CNOT3: variants seen among roughly 807,000 people sequenced by gnomAD.
The protein encoded by CNOT3 is CCR4-NOT transcription complex subunit 3.
In CNOT3, 2 loss-of-function variants were observed where a neutral mutation model predicts 89.4. The ratio of observed to expected loss-of-function variants is 0.02; its 90% CI spans 0.01 to 0.07. The LOEUF (loss-of-function observed/expected upper bound fraction) is 0.07, where lower values mean the gene tolerates loss of function less well. Ranked by LOEUF, CNOT3 falls within the 10% of genes least tolerant of loss-of-function variation. The probability of loss-of-function intolerance (pLI) is 1.00; values close to 1 mark genes in which losing one functional copy is unlikely to be tolerated. For synonymous variants in CNOT3, 486 were observed against 402.0 expected, an observed-to-expected ratio of 1.21 and a Z score of -2.50; for missense variants, 664 against 1,010.2, an observed-to-expected ratio of 0.66 and a Z score of 4.65.
chr19:54,148,560 G>GGGGCGT lies in CNOT3; in HGVS notation c.1282+31_1282+36dup. 1 of 1,578,638 alleles carries GGGGCGT rather than the reference G, an allele frequency of 6.3e-7. No homozygotes were observed. The highest frequency in any genetic ancestry group is 8.6e-7 in the Non-Finnish European group (1 of 1,158,862). The stretch of plus-strand genomic sequence containing the variant: ...AGTGAGTGAGGAGGCAGCGGGGTGG[G>GGGGCGT]GGGCGTGGGCGGGGCTGGGCAGCAG... On this transcript the variant is annotated intron_variant, in intron 11 of 17. Transcript: ENST00000221232. This position sits in a 1 kb window ranked among gnomAD's most constrained non-coding sequence, Gnocchi z 6.3.
chr19:54,150,551 T>C (rs1378638337), intron 13 of CNOT3, among the ~76,000 whole-genome samples: 3 of 152,118 alleles, frequency 2.0e-5, no homozygotes, highest in Admixed American at 6.5e-5. Flanking sequence ...GCAGCTTCCA[T>C]GGGGGGACCA....
chr19:54,146,757 G>A (rs2074695158), intron 10 of CNOT3, 100 bp downstream of exon 10: 2 of 772,170 alleles, frequency 2.6e-6, no homozygotes, highest in African/African-American at 1.7e-5. Context: ...CTGGGCTGGT[G>A]GACACAGGTG....
At position 54,148,594 on chromosome 19, in the gene CNOT3, C is replaced by T. The variant is rs771033124; in HGVS notation, c.1283-26C>T. 12 of 1,603,580 alleles carry T rather than the reference C, an allele frequency of 7.5e-6. No individual in the cohort carries two copies. In the East Asian group the frequency reaches 1.6e-4, roughly 21 times the overall value. On this transcript the variant is annotated intron_variant, in intron 11 of 17. Transcript: ENST00000221232. This position sits in a 1 kb window ranked among gnomAD's most constrained non-coding sequence, Gnocchi z 6.3. ...GCGGGGCTGGGCAGCAGGCAGCAGC[C>T]CTTTCCATTTACTCTTTGTTCCCAG...
At position 54,148,133 on chromosome 19, in the gene CNOT3, C is replaced by G. The variant is rs904696747; in HGVS notation, c.895-15C>G. 1.4e-6 allele frequency: 2 copies of G among 1,468,198 alleles called. No individual in the cohort carries two copies. Among genetic ancestry groups the G allele is most frequent in the African/African-American group, 1.4e-5 (1 of 69,504 alleles). The allele number at this position is 1,468,198 out of a possible 1,614,324, so 90.9% of individuals were successfully genotyped here. A position where few individuals can be genotyped will look rare whatever the true frequency, so the allele number is the denominator to read the frequency against. On this transcript the variant is annotated splice_polypyrimidine_tract_variant and intron_variant, in intron 10 of 17. Transcript: ENST00000221232. This position sits in a 1 kb window ranked among gnomAD's most constrained non-coding sequence, Gnocchi z 6.3. ...GCCCACTGGGTCCTGACCCTCTGCT[C>G]TCTCCCACCCGCAGTCTCCAGCCAA...
At chr19:54,149,787 C>G (rs1295893368) in intron 13 of CNOT3, 29 bp downstream of exon 13, 1 of 1,566,682 alleles carries the variant, frequency 6.4e-7, no homozygotes, top group Non-Finnish European at 8.7e-7. Context: ...CCCCGAGCCT[C>G]TGTGTCCTGA....
rs587704437 is a variant in CNOT3 at position 54,151,153 on chromosome 19, ACAG to A, written c.1606-1068_1606-1066del. 2.4e-3 allele frequency among the ~76,000 whole-genome samples: 372 copies of A among 152,296 alleles called. 2 individuals are homozygous for A. The highest frequency in any genetic ancestry group is 8.5e-3 in the African/African-American group (355 of 41,560). ...CGTGCATTTTTCTGGAAAAAGGGAAACAGCAGCTTTGAGATTTTCAGAAGGGGT... is the reference window on the plus strand; with the variant it reads ...CGTGCATTTTTCTGGAAAAAGGGAAACAGCTTTGAGATTTTCAGAAGGGGT... On this transcript the variant is annotated intron_variant, in intron 13 of 17. Coordinates refer to ENST00000221232, the MANE Select transcript of CNOT3 (RefSeq NM_014516.4).
At chr19:54,141,115 A>G (rs1458959690) in intron 1 of CNOT3, among the ~76,000 whole-genome samples, 1 of 151,912 alleles carries the variant, frequency 6.6e-6, no homozygotes, top group African/African-American at 2.4e-5. Flanking sequence ...TGCACACCTG[A>G]GCTCTGGTGT....
Position 54,148,715 on chromosome 19 carries a change from G to A in CNOT3, c.1378G>A (p.Gly460Ser), listed in dbSNP as rs1195831069. 1.9e-6 allele frequency: 3 copies of A among 1,611,628 alleles called. No homozygotes were observed. The highest frequency in any genetic ancestry group is 2.5e-6 in the Non-Finnish European group (3 of 1,179,280). The change falls in exon 12 of 18, where the codon GGC (glycine) becomes AGC (serine). Residue 460 changes from glycine (G) to serine (S), a missense_variant. Gly to Ser is a moderately conservative substitution (Grantham distance 56). Coordinates refer to ENST00000221232, the MANE Select transcript of CNOT3 (RefSeq NM_014516.4). This position sits in a 1 kb window ranked among gnomAD's most constrained non-coding sequence, Gnocchi z 6.3. The part of the protein sequence containing the change: ...ASSQALGPPS[G>S]PHNPPPSTSK... ...CAGCCAGGCCTTGGGCCCCCCTTCCGGCCCCCACAACCCACCTCCCAGCAC... is the reference window on the plus strand; with the variant it reads ...CAGCCAGGCCTTGGGCCCCCCTTCCAGCCCCCACAACCCACCTCCCAGCAC...
chr19:54,154,034 C>G (rs1224309931), intron 17 of CNOT3, 194 bp downstream of exon 17: 1 of 753,712 alleles, frequency 1.3e-6, no homozygotes, highest in South Asian at 1.5e-5. Flanking sequence ...ACTTGGCCAG[C>G]TCCTAGGCCT....
chr19:54,143,913 A>AGGGTCACGAGGCTC (rs755565205), intron 5 of CNOT3, 93 bp from the exon 6 acceptor site: 31 of 1,536,370 alleles, frequency 2.0e-5, no homozygotes, highest in Non-Finnish European at 2.5e-5. Context: ...CTCAGAAAGT[A>AGGGTCACGAGGCTC]GGGTCACGAG....
intron 1 of CNOT3, among the ~76,000 whole-genome samples, chr19:54,139,911 C>T (rs587638955): frequency 6.6e-6 from 1 of 152,262 alleles, no homozygotes; most frequent in Non-Finnish European, 1.5e-5. Context: ...CATCCTTCTT[C>T]TGGAGTCTCA....
Position 54,153,744 on chromosome 19 carries a change from G to A in CNOT3, c.2067G>A (p.Lys689=), listed in dbSNP as rs150978381. The A allele has an allele frequency of 1.9e-5, 30 of 1,614,012 alleles. No homozygotes were observed. The African/African-American group carries it at 2.7e-4, about 14-fold the overall frequency. The part of the protein sequence containing the change: ...EGTKAQYLAA[K]ALKKQSWRFH... ...CTAAGGCACAGTATCTGGCAGCCAA[G>A]GCCCTAAAGAAGCAGTCATGGCGAT... The change falls in exon 17 of 18, where the codon AAG becomes AAA. Residue 689 remains lysine, a synonymous_variant. Coordinates refer to ENST00000221232, the MANE Select transcript of CNOT3 (RefSeq NM_014516.4).
At chr19:54,153,922 C>T (rs772812540) in intron 17 of CNOT3, 82 bp downstream of exon 17, 5 of 1,557,226 alleles carry the variant, frequency 3.2e-6, no homozygotes, top group South Asian at 1.1e-5. Flanking sequence ...CTGGCCTCTG[C>T]TCCCTTGCCT....
At chr19:54,139,809 G>C (rs1003723817) in intron 1 of CNOT3, among the ~76,000 whole-genome samples, 3 of 152,070 alleles carry the variant, frequency 2.0e-5, no homozygotes, top group African/African-American at 7.2e-5. Context: ...GACTTCTCTG[G>C]TGTAGACTTT....
rs766288492 is a variant in CNOT3 at position 54,148,576 on chromosome 19, T to G, written c.1282+41T>G. ...GCGGGGTGGGGGGCGTGGGCGGGGC[T>G]GGGCAGCAGGCAGCAGCCCTTTCCA... is the stretch of plus-strand genomic sequence containing the variant. On this transcript the variant is annotated intron_variant, in intron 11 of 17. Coordinates refer to ENST00000221232, the MANE Select transcript of CNOT3 (RefSeq NM_014516.4). This position sits in a 1 kb window ranked among gnomAD's most constrained non-coding sequence, Gnocchi z 6.3. 6.3e-6 allele frequency: 10 copies of G among 1,592,736 alleles called. No individual in the cohort carries two copies. The highest frequency in any genetic ancestry group is 3.3e-4 in the Middle Eastern group (2 of 5,990).
intron 17 of CNOT3, chr19:54,154,078 A>G (rs2668839): frequency 0.028 from 19,595 of 702,246 alleles, 376 homozygotes; most frequent in Non-Finnish European, 0.036. Context: ...CCCTTCCTCA[A>G]AGAAACCTTC....
rs1214514418 is a variant in CNOT3, at chr19:54,148,719, C to A, written c.1382C>A (p.Pro461His). ...SSQALGPPSG[P>H]HNPPPSTSKE... is the part of the protein sequence containing the mutation. ...CAGGCCTTGGGCCCCCCTTCCGGCC[C>A]CCACAACCCACCTCCCAGCACCTCG... Residue 461 changes from proline (P) to histidine (H), a missense_variant, in exon 12 of 18, where the codon CCC becomes CAC. Pro to His is a moderately conservative substitution (Grantham distance 77, BLOSUM62 -2). Around this residue, in one of 8 missense-constraint regions of CNOT3, gnomAD observed 545 missense variants for 566.2 expected, o/e 0.96. Transcript: ENST00000221232. This position sits in a 1 kb window ranked among gnomAD's most constrained non-coding sequence, Gnocchi z 6.3. 1 of 1,611,680 alleles carries A rather than the reference C, an allele frequency of 6.2e-7. No individual in the cohort carries two copies. The highest frequency in any genetic ancestry group is 1.3e-5 in the African/African-American group (1 of 74,888).
Position 54,142,965 on chromosome 19 carries a change from G to A in CNOT3, c.-14G>A. ...AAGAGAGTATGAAGAGAGTGCGTCT[G>A]TAGGGCAGGGAAGATGGCGGACAAG... On this transcript the variant is annotated 5_prime_UTR_variant, in exon 2 of 18. Coordinates refer to ENST00000221232, the MANE Select transcript of CNOT3 (RefSeq NM_014516.4). 1.2e-6 allele frequency: 2 copies of A among 1,613,830 alleles called. No individual in the cohort carries two copies. The highest frequency in any genetic ancestry group is 1.7e-6 in the Non-Finnish European group (2 of 1,179,844).
chr19:54,146,539 G>A, intron 9 of CNOT3, 62 bp from the exon 10 acceptor site: 1 of 843,718 alleles, frequency 1.2e-6, no homozygotes, highest in Non-Finnish European at 2.1e-6. Context: ...TTCAGAGATT[G>A]GCGGTTCTCC....
Sources: allele counts gnomAD v4.1 joint callset (sites outside exome capture counted in the v4.1 genomes callset), GRCh38; gene constraint gnomAD v4.1.1; regional missense constraint gnomAD v4.1.1; non-coding constraint Gnocchi (gnomAD v3.1); transcripts MANE v1.5; gene names NCBI Gene and HGNC (gene_info 2026-07-23, HGNC 2026-07-21).